The following AGBL4 variants were observed in gnomAD, a reference collection of about 807,000 sequenced individuals.
AGBL4 encodes cytosolic carboxypeptidase 6.
Under a neutral mutation model 66.4 loss-of-function variants are expected in AGBL4, and 58 were observed. The ratio of observed to expected loss-of-function variants is 0.87; its 90% CI spans 0.71 to 1.09. The LOEUF is 1.09. Among genes scored for constraint, AGBL4 ranks in the 50% least tolerant of loss-of-function variants. AGBL4 has a pLI of 0.00. For missense variants in AGBL4, 579 were observed against 631.0 expected (o/e 0.92, Z 0.88); for synonymous variants, 234 against 222.9 (o/e 1.05, Z -0.44).
chr1:48,966,624 C>A (rs147811260), intron 5 of AGBL4, among the ~76,000 whole-genome samples: 2 of 152,038 alleles, frequency 1.3e-5, no homozygotes, highest in African/African-American at 4.8e-5. Flanking sequence ...AACTCTAATG[C>A]CTATGGTACA....
At chr1:49,322,069 G>C (rs1206354918) in intron 3 of AGBL4, among the ~76,000 whole-genome samples, 1 of 152,160 alleles carries the variant, frequency 6.6e-6, no homozygotes, top group Non-Finnish European at 1.5e-5. Flanking sequence ...GCAGGAATAA[G>C]AAATGAGCAT....
intron 6 of AGBL4, among the ~76,000 whole-genome samples, chr1:48,841,764 C>A (rs1364399234): frequency 6.6e-6 from 1 of 152,052 alleles, no homozygotes; most frequent in Non-Finnish European, 1.5e-5. Flanking sequence ...AGTTTCTGCA[C>A]ATTGAATCAT....
At chr1:49,122,917 G>A (rs1002052664) in intron 4 of AGBL4, among the ~76,000 whole-genome samples, 4 of 152,160 alleles carry the variant, frequency 2.6e-5, no homozygotes, top group South Asian at 2.1e-4. Context: ...GCAGTGGTGC[G>A]ATCTCGGCTC....
intron 6 of AGBL4, among the ~76,000 whole-genome samples, chr1:48,838,092 G>A (rs1345957186): frequency 1.3e-5 from 2 of 151,858 alleles, no homozygotes; most frequent in African/African-American, 4.8e-5. Context: ...TGGCACTGCA[G>A]ATGAAAAGCA....
intron 6 of AGBL4, among the ~76,000 whole-genome samples, chr1:48,847,921 T>C (rs1442311471): frequency 6.6e-6 from 1 of 152,126 alleles, no homozygotes; most frequent in Non-Finnish European, 1.5e-5. Flanking sequence ...TAGAAAAACA[T>C]AATTCTCAAA....
At chr1:48,969,093 T>TCTCCCTCC (rs1013838174) in intron 5 of AGBL4, among the ~76,000 whole-genome samples, 1 of 96,912 alleles carries the variant, frequency 1.0e-5, no homozygotes, top group Non-Finnish European at 2.1e-5. Context: ...TCCCTCCCTC[T>TCTCCCTCC]CTCCCTCCCT....
intron 6 of AGBL4, among the ~76,000 whole-genome samples, chr1:48,719,202 T>C (rs1233883714): frequency 1.3e-5 from 2 of 152,084 alleles, no homozygotes; most frequent in Non-Finnish European, 2.9e-5. Flanking sequence ...CCTCTGGACA[T>C]AGGGTGGATG....
intron 3 of AGBL4, among the ~76,000 whole-genome samples, chr1:49,294,050 A>G (rs550583986): frequency 5.1e-4 from 77 of 152,328 alleles, no homozygotes; most frequent in South Asian, 1.7e-3. Context: ...GAGTTCCTGA[A>G]GTTTAGAGAC....
intron 4 of AGBL4, among the ~76,000 whole-genome samples, chr1:49,151,649 A>T (rs1172732531): frequency 6.6e-6 from 1 of 152,040 alleles, no homozygotes; most frequent in African/African-American, 2.4e-5. Context: ...ATTCCATAAG[A>T]TATTCTGGCG....
chr1:49,730,143 A>G (rs1247490915), intron 2 of AGBL4, among the ~76,000 whole-genome samples: 1 of 152,116 alleles, frequency 6.6e-6, no homozygotes, highest in Non-Finnish European at 1.5e-5. Context: ...CCTCTCACAC[A>G]GTGGGCTACC....
At chr1:49,099,539 G>A (rs1417920983) in intron 4 of AGBL4, among the ~76,000 whole-genome samples, 1 of 152,104 alleles carries the variant, frequency 6.6e-6, no homozygotes, top group Non-Finnish European at 1.5e-5. Context: ...TAAGCATTGT[G>A]CTATGTGGTT....
intron 1 of AGBL4, among the ~76,000 whole-genome samples, chr1:49,879,576 C>A (rs1451768886): frequency 1.4e-5 from 2 of 147,802 alleles, no homozygotes; most frequent in Non-Finnish European, 3.0e-5. Context: ...CGACCTTTCT[C>A]TCTGGCTGCC....
intron 5 of AGBL4, among the ~76,000 whole-genome samples, chr1:48,995,400 T>C (rs1660924879): frequency 6.6e-6 from 1 of 152,214 alleles, no homozygotes; most frequent in Non-Finnish European, 1.5e-5. Context: ...AGATATTTAT[T>C]GAATGTTTAC....
At chr1:49,878,531 G>C (rs1647101499) in intron 1 of AGBL4, among the ~76,000 whole-genome samples, 1 of 152,030 alleles carries the variant, frequency 6.6e-6, no homozygotes, top group Non-Finnish European at 1.5e-5. Context: ...GAGATAGTTT[G>C]TTATAATTTC....
chr1:49,116,639 G>A (rs1377988310), intron 4 of AGBL4, among the ~76,000 whole-genome samples: 1 of 152,186 alleles, frequency 6.6e-6, no homozygotes, highest in Non-Finnish European at 1.5e-5. Context: ...ATTTGGGTTA[G>A]TTCCAAGTGT....
intron 3 of AGBL4, among the ~76,000 whole-genome samples, chr1:49,483,135 G>C (rs1646991752): frequency 6.6e-6 from 1 of 152,032 alleles, no homozygotes. Flanking sequence ...TGATGCATTT[G>C]ATCCAGAGCT....
intron 4 of AGBL4, among the ~76,000 whole-genome samples, chr1:49,167,571 A>G (rs1006714857): frequency 3.3e-5 from 5 of 152,330 alleles, no homozygotes; most frequent in African/African-American, 1.2e-4. Context: ...ATATTTCCTT[A>G]GGCTGAGGCC....
intron 3 of AGBL4, among the ~76,000 whole-genome samples, chr1:49,383,803 ATT>A (rs66756545): frequency 2.1e-5 from 3 of 144,548 alleles, no homozygotes; most frequent in Admixed American, 6.9e-5. Context: ...ATATATATAT[ATT>A]TTTTTTTTTT....
At chr1:49,860,082 G>C (rs1039004858) in intron 1 of AGBL4, among the ~76,000 whole-genome samples, 1 of 152,102 alleles carries the variant, frequency 6.6e-6, no homozygotes, top group African/African-American at 2.4e-5. Flanking sequence ...TAAATAAAGG[G>C]AGAAACAAAC....
Sources: allele counts gnomAD v4.1 joint callset (sites outside exome capture counted in the v4.1 genomes callset), GRCh38; gene constraint gnomAD v4.1.1; transcripts MANE v1.5; gene names NCBI Gene and HGNC (gene_info 2026-07-23, HGNC 2026-07-21).